FSTL5: variants seen among roughly 807,000 people sequenced by gnomAD.
The protein encoded by FSTL5 is follistatin like 5, also known as follistatin-related protein 5.
In FSTL5, 62 loss-of-function variants were observed where a neutral mutation model predicts 89.1. That is an observed-to-expected ratio of 0.70 (90% confidence interval 0.57 to 0.86). The LOEUF is 0.86. FSTL5 is among the 40% of genes least tolerant of loss of function. The pLI is 0.00. For missense variants in FSTL5, 1,057 were observed against 1,001.6 expected, an observed-to-expected ratio of 1.06 and a Z score of -0.75; for synonymous variants, 383 against 346.2, an observed-to-expected ratio of 1.11 and a Z score of -1.18.
intron 6 of FSTL5, among the ~76,000 whole-genome samples, chr4:161,742,675 A>G (rs1740067723): frequency 6.6e-6 from 1 of 152,182 alleles, no homozygotes; most frequent in African/African-American, 2.4e-5. Flanking sequence ...TGGGTTGAAG[A>G]GACTAGTGGA....
chr4:161,860,205 G>A (rs1007762890), intron 4 of FSTL5, among the ~76,000 whole-genome samples: 22 of 152,010 alleles, frequency 1.4e-4, no homozygotes, highest in African/African-American at 3.4e-4. Flanking sequence ...GGAGAATGGC[G>A]TGAACCCGGG....
intron 8 of FSTL5, among the ~76,000 whole-genome samples, chr4:161,544,823 T>C (rs1731952268): frequency 6.6e-6 from 1 of 151,982 alleles, no homozygotes; most frequent in African/African-American, 2.4e-5. Flanking sequence ...TATTAGATAT[T>C]GCGATACTAC....
At chr4:161,794,333 T>C (rs1729566377) in intron 4 of FSTL5, among the ~76,000 whole-genome samples, 1 of 152,214 alleles carries the variant, frequency 6.6e-6, no homozygotes, top group African/African-American at 2.4e-5. Flanking sequence ...GAGGAAAAGC[T>C]GAGACTTGAC....
chr4:161,733,231 T>A (rs982118684), intron 6 of FSTL5, among the ~76,000 whole-genome samples: 4 of 151,974 alleles, frequency 2.6e-5, no homozygotes, highest in South Asian at 2.1e-4. Flanking sequence ...GTTTATATTT[T>A]TGTTGCTTTT....
At chr4:161,767,781 C>T (rs906149417) in intron 5 of FSTL5, among the ~76,000 whole-genome samples, 1 of 146,812 alleles carries the variant, frequency 6.8e-6, no homozygotes, top group East Asian at 2.0e-4. Flanking sequence ...AGGATTCAGA[C>T]AATATAGCAC....
chr4:162,155,789 T>G (rs948493585), intron 1 of FSTL5, among the ~76,000 whole-genome samples: 4 of 152,228 alleles, frequency 2.6e-5, no homozygotes, highest in Non-Finnish European at 4.4e-5. Context: ...TGTGATGGTT[T>G]AGATTTTAAC....
intron 1 of FSTL5, among the ~76,000 whole-genome samples, chr4:162,151,993 C>T (rs1388839): frequency 0.23 from 35,353 of 151,886 alleles, 4,301 homozygotes; most frequent in Non-Finnish European, 0.26. Flanking sequence ...TATAATTAAC[C>T]AGAAGTCCAG....
intron 4 of FSTL5, among the ~76,000 whole-genome samples, chr4:161,837,610 A>G (rs761030900): frequency 2.0e-5 from 3 of 152,112 alleles, no homozygotes; most frequent in African/African-American, 7.2e-5. Flanking sequence ...ATAAAATAAA[A>G]GTAATATACT....
At chr4:161,396,608 C>T (rs980492895) in intron 15 of FSTL5, among the ~76,000 whole-genome samples, 5 of 149,360 alleles carry the variant, frequency 3.3e-5, no homozygotes, top group African/African-American at 9.9e-5. Context: ...AAGCTGAGAT[C>T]GCACCACTGC....
chr4:161,913,777 G>A (rs983152272), intron 4 of FSTL5, among the ~76,000 whole-genome samples: 2 of 152,130 alleles, frequency 1.3e-5, no homozygotes, highest in Non-Finnish European at 2.9e-5. Flanking sequence ...GGACTTGCTT[G>A]GGCCCTGTAA....
chr4:161,441,307 A>C (rs1194000317), intron 15 of FSTL5, among the ~76,000 whole-genome samples: 1 of 151,700 alleles, frequency 6.6e-6, no homozygotes. Flanking sequence ...CCGAATGAAC[A>C]AGACTTCTTG....
At chr4:162,157,791 G>T (rs1381066520) in intron 1 of FSTL5, among the ~76,000 whole-genome samples, 4 of 152,026 alleles carry the variant, frequency 2.6e-5, no homozygotes, top group African/African-American at 9.7e-5. Context: ...TAGGGAGTCT[G>T]ATGCAACTTT....
chr4:161,390,424 T>C (rs1007374824), intron 15 of FSTL5, among the ~76,000 whole-genome samples: 1 of 152,156 alleles, frequency 6.6e-6, no homozygotes, highest in Non-Finnish European at 1.5e-5. Context: ...GGATGCATGG[T>C]TGAAAACCAC....
chr4:162,112,895 G>A (rs1038718877), intron 1 of FSTL5, among the ~76,000 whole-genome samples: 2 of 151,856 alleles, frequency 1.3e-5, no homozygotes, highest in African/African-American at 4.8e-5. Context: ...GTTGTTTTGT[G>A]GAAGAAATTG....
chr4:161,829,133 C>T (rs1193763091), intron 4 of FSTL5, among the ~76,000 whole-genome samples: 2 of 72,880 alleles, frequency 2.7e-5, no homozygotes, highest in Non-Finnish European at 5.3e-5. Context: ...GGGCTTCAGT[C>T]ACATTTTATA....
chr4:161,466,773 A>C (rs1036565909), intron 13 of FSTL5, among the ~76,000 whole-genome samples: 1 of 152,258 alleles, frequency 6.6e-6, no homozygotes, highest in African/African-American at 2.4e-5. Context: ...AGATTCCATT[A>C]AAAAAATGTG....
chr4:161,694,687 T>C (rs772837814), intron 6 of FSTL5, among the ~76,000 whole-genome samples: 40 of 152,068 alleles, frequency 2.6e-4, no homozygotes, highest in Non-Finnish European at 5.0e-4. Flanking sequence ...ATTTTATGTT[T>C]CTTTTATGTT....
At chr4:161,493,784 A>G (rs1004220001) in intron 12 of FSTL5, among the ~76,000 whole-genome samples, 1 of 152,098 alleles carries the variant, frequency 6.6e-6, no homozygotes, top group African/African-American at 2.4e-5. Flanking sequence ...AATGTTGTCG[A>G]TGTATTATCT....
intron 6 of FSTL5, among the ~76,000 whole-genome samples, chr4:161,743,048 T>C (rs1740082299): frequency 6.6e-6 from 1 of 152,178 alleles, no homozygotes; most frequent in African/African-American, 2.4e-5. Context: ...CTTTGATGCA[T>C]GAAAGTTCTA....
Sources: allele counts gnomAD v4.1 joint callset (sites outside exome capture counted in the v4.1 genomes callset), GRCh38; gene constraint gnomAD v4.1.1; transcripts MANE v1.5; gene names NCBI Gene and HGNC (gene_info 2026-07-23, HGNC 2026-07-21).